The following TCF12 variants were observed in gnomAD, a reference collection of about 807,000 sequenced individuals.
TCF12 encodes transcription factor 12.
TCF12 carries 45 observed loss-of-function variants against 86.0 expected under a neutral mutation model. The observed-to-expected ratio is 0.52, with a 90% CI of 0.41 to 0.67. The LOEUF (loss-of-function observed/expected upper bound fraction) is 0.67, where lower values mean the gene tolerates loss of function less well. Ranked by LOEUF, TCF12 falls within the 30% of genes least tolerant of loss-of-function variation. The pLI is 0.00. For synonymous variants in TCF12, 330 were observed against 299.6 expected, an observed-to-expected ratio of 1.10 and a Z score of -1.05; for missense variants, 881 against 859.9, an observed-to-expected ratio of 1.02 and a Z score of -0.31.
At chr15:57,046,875 C>T (rs1233258982) in intron 3 of TCF12, among the ~76,000 whole-genome samples, 1 of 152,178 alleles carries the variant, frequency 6.6e-6, no homozygotes, top group Admixed American at 6.5e-5. Flanking sequence ...ACAGTATTTC[C>T]CCTTCTTCCC....
chr15:57,266,364 C>CTT (rs2060872305), intron 18 of TCF12, among the ~76,000 whole-genome samples: 1 of 152,088 alleles, frequency 6.6e-6, no homozygotes, highest in Non-Finnish European at 1.5e-5. Context: ...AGGCGTGAGC[C>CTT]ACTGCGCCTG....
intron 3 of TCF12, among the ~76,000 whole-genome samples, chr15:56,991,069 T>C (rs1369335638): frequency 6.6e-6 from 1 of 152,144 alleles, no homozygotes; most frequent in Non-Finnish European, 1.5e-5. Flanking sequence ...GTGCTGACAT[T>C]ACAGACGCGA....
In TCF12 at chr15:57,231,244, T is replaced by C; in HGVS notation, c.672T>C (p.Thr224=). The change falls in exon 9 of 21, where the codon ACT becomes ACC. Residue 224 remains threonine (T), a synonymous_variant. Coordinates refer to ENST00000333725, the MANE Select transcript of TCF12 (RefSeq NM_207037.2). ...CACCAACCAGTATGTTCGCTAGCACTTTCTTTATGCAAGGTAAGTACTACC... is the reference window on the plus strand; with the variant it reads ...CACCAACCAGTATGTTCGCTAGCACCTTCTTTATGCAAGGTAAGTACTACC... The part of the protein sequence containing the change: ...PKPPTSMFAS[T]FFMQDGTHNS... 6.2e-7 allele frequency: 1 copy of C among 1,611,336 alleles called. No homozygotes were observed. The highest frequency in any genetic ancestry group is 8.5e-7 in the Non-Finnish European group (1 of 1,177,678).
At chr15:57,211,744 A>C (rs2058108960) in intron 8 of TCF12, among the ~76,000 whole-genome samples, 2 of 152,218 alleles carry the variant, frequency 1.3e-5, no homozygotes, top group African/African-American at 4.8e-5. Context: ...GCTTGAGGCC[A>C]GGAGTTCAAG....
At chr15:56,966,378 G>A (rs2140658624) in intron 3 of TCF12, among the ~76,000 whole-genome samples, 1 of 152,222 alleles carries the variant, frequency 6.6e-6, no homozygotes, top group East Asian at 1.9e-4. Flanking sequence ...AGTTACTTTT[G>A]CACCAACCTA....
chr15:56,939,204 G>T (rs1278246346), intron 3 of TCF12, among the ~76,000 whole-genome samples: 1 of 151,890 alleles, frequency 6.6e-6, no homozygotes, highest in Non-Finnish European at 1.5e-5. Context: ...AACTGTCTTT[G>T]TATTTGTATA....
chr15:56,934,275 T>A (rs1294467756), intron 3 of TCF12, among the ~76,000 whole-genome samples: 1 of 152,220 alleles, frequency 6.6e-6, no homozygotes, highest in African/African-American at 2.4e-5. Flanking sequence ...AATAGTCTGC[T>A]TCTACTTTGT....
At chr15:57,006,943 AATGAGAT>A (rs1269726775) in intron 3 of TCF12, among the ~76,000 whole-genome samples, 3 of 152,112 alleles carry the variant, frequency 2.0e-5, no homozygotes, top group Non-Finnish European at 4.4e-5. Flanking sequence ...ACAACAACAA[AATGAGAT>A]ATGGCAATTA....
In TCF12 at chr15:57,220,698, T is replaced by TA. The variant is rs1178968346; in HGVS notation, c.580-10444dup. Among the ~76,000 whole-genome samples, 305 of 147,876 alleles carry TA rather than the reference T, an allele frequency of 2.1e-3. 2 individuals carry two copies. Among genetic ancestry groups the TA allele is most frequent in the African/African-American group, 5.8e-3 (237 of 40,546 alleles). Reference sequence around the variant, plus strand: ...ATAAGCCAGAGGATTTTATATATTCTAAAAAAAAAAGAGTAAACTCGGAAA... The same window carrying TA: ...ATAAGCCAGAGGATTTTATATATTCTAAAAAAAAAAAGAGTAAACTCGGAAA... On this transcript the variant is annotated intron_variant, in intron 8 of 20. Coordinates refer to ENST00000333725, the MANE Select transcript of TCF12 (RefSeq NM_207037.2).
At chr15:57,188,604 A>T (rs140282599) in intron 6 of TCF12, among the ~76,000 whole-genome samples, 1 of 152,188 alleles carries the variant, frequency 6.6e-6, no homozygotes, top group African/African-American at 2.4e-5. Flanking sequence ...ATATAGACCA[A>T]TGGGATAGAA....
At chr15:57,242,398 T>C (rs1312994141) in intron 12 of TCF12, among the ~76,000 whole-genome samples, 1 of 152,066 alleles carries the variant, frequency 6.6e-6, no homozygotes. Context: ...TTAAAGTGTT[T>C]ACTGTTGTTG....
chr15:57,178,805 A>G (rs2056135769), intron 6 of TCF12, among the ~76,000 whole-genome samples: 1 of 152,220 alleles, frequency 6.6e-6, no homozygotes, highest in South Asian at 2.1e-4. Flanking sequence ...AATCCCCTAT[A>G]GCATTTTTGG....
chr15:57,160,766 C>T (rs535791059), intron 5 of TCF12, among the ~76,000 whole-genome samples: 2 of 152,204 alleles, frequency 1.3e-5, no homozygotes, highest in African/African-American at 4.8e-5. Flanking sequence ...GATCATAGCT[C>T]ACTGCGGCCT....
chr15:57,000,683 G>C (rs2063973584), intron 3 of TCF12, among the ~76,000 whole-genome samples: 2 of 151,900 alleles, frequency 1.3e-5, no homozygotes, highest in South Asian at 4.1e-4. Flanking sequence ...CATAAAAACT[G>C]GTTCTTCAAA....
At chr15:56,980,663 C>A (rs1288786249) in intron 3 of TCF12, among the ~76,000 whole-genome samples, 2 of 152,198 alleles carry the variant, frequency 1.3e-5, no homozygotes, top group African/African-American at 4.8e-5. Flanking sequence ...CCTCAACTCC[C>A]ATGTTTTACT....
intron 1 of TCF12, chr15:56,919,685 G>T: frequency 2.5e-6 from 1 of 398,984 alleles, no homozygotes; most frequent in Non-Finnish European, 4.5e-6. Context: ...CTCGGGCCGC[G>T]GCGAGGAACG....
intron 3 of TCF12, among the ~76,000 whole-genome samples, chr15:56,980,881 G>C (rs2062857073): frequency 6.6e-6 from 1 of 152,152 alleles, no homozygotes; most frequent in Admixed American, 6.5e-5. Flanking sequence ...GCATAACACT[G>C]GACATGCAGT....
intron 4 of TCF12, among the ~76,000 whole-genome samples, chr15:57,083,571 A>G (rs1331126010): frequency 6.6e-6 from 1 of 151,164 alleles, no homozygotes; most frequent in East Asian, 1.9e-4. Context: ...TATAAACTTT[A>G]TTTATTTGTT....
intron 3 of TCF12, among the ~76,000 whole-genome samples, chr15:56,967,717 C>T (rs1452948452): frequency 1.3e-5 from 2 of 152,100 alleles, no homozygotes; most frequent in Non-Finnish European, 2.9e-5. Flanking sequence ...GATGGAGGGG[C>T]TGGGGTTGTA....
Sources: allele counts gnomAD v4.1 joint callset (sites outside exome capture counted in the v4.1 genomes callset), GRCh38; gene constraint gnomAD v4.1.1; transcripts MANE v1.5; gene names NCBI Gene and HGNC (gene_info 2026-07-23, HGNC 2026-07-21).